The following NRBF2 variants were observed in gnomAD, a reference collection of about 807,000 sequenced individuals.
NRBF2 encodes nuclear receptor-binding factor 2.
NRBF2 carries 12 observed loss-of-function variants against 28.5 expected under a neutral mutation model. The observed-to-expected ratio is 0.42, with a 90% CI of 0.27 to 0.68. The LOEUF (loss-of-function observed/expected upper bound fraction) is 0.68. Among genes scored for constraint, NRBF2 ranks in the 30% least tolerant of loss-of-function variants. The pLI, the probability that NRBF2 is intolerant of heterozygous loss-of-function variation, is 0.24. For missense variants in NRBF2, 274 were observed against 333.5 expected, an observed-to-expected ratio of 0.82 and a Z score of 1.39; for synonymous variants, 102 against 116.5, an observed-to-expected ratio of 0.88 and a Z score of 0.80.
chr10:63,136,225 C>T lies in NRBF2; in HGVS notation c.30+2725C>T, dbSNP rs191941534. 3.3e-3 allele frequency among the ~76,000 whole-genome samples: 493 copies of T among 151,168 alleles called. 3 individuals carry two copies. The highest frequency in any genetic ancestry group is 0.012 in the African/African-American group (477 of 41,226). ...TGGGCTCACTGCAGCCTCCACCTCC[C>T]GGGTTCAAGCAGTTCTCTGCCTCAG... On this transcript the variant is annotated intron_variant, in intron 1 of 3. Transcript: ENST00000277746.
intron 1 of NRBF2, among the ~76,000 whole-genome samples, chr10:63,140,675 T>TAATC (rs1554821339): frequency 6.6e-6 from 1 of 151,684 alleles, no homozygotes; most frequent in Non-Finnish European, 1.5e-5. Context: ...GCTGGGATTA[T>TAATC]AGGCATGAAC....
At chr10:63,135,081 G>C (rs1402986551) in intron 1 of NRBF2, among the ~76,000 whole-genome samples, 1 of 152,220 alleles carries the variant, frequency 6.6e-6, no homozygotes, top group Non-Finnish European at 1.5e-5. Context: ...CAGCTACTCG[G>C]GAGGCTGAGG....
intron 1 of NRBF2, among the ~76,000 whole-genome samples, chr10:63,134,056 T>C (rs1841336960): frequency 6.9e-6 from 1 of 144,664 alleles, no homozygotes; most frequent in Non-Finnish European, 1.5e-5. Context: ...TTCACATGCA[T>C]AAACTGAGTC....
intron 2 of NRBF2, among the ~76,000 whole-genome samples, chr10:63,149,236 C>T (rs1277835401): frequency 1.3e-5 from 2 of 152,200 alleles, no homozygotes; most frequent in Non-Finnish European, 2.9e-5. Flanking sequence ...TCTGCCTCAG[C>T]CTCCCAAGTA....
At chr10:63,136,867 T>G (rs1243416825) in intron 1 of NRBF2, among the ~76,000 whole-genome samples, 1 of 152,216 alleles carries the variant, frequency 6.6e-6, no homozygotes, top group Non-Finnish European at 1.5e-5. Flanking sequence ...TGGAAGAGAC[T>G]AGTTTGAAAT....
Position 63,154,258 on chromosome 10 carries a change from C to T in NRBF2, c.*40C>T, listed in dbSNP as rs758684294. 187 of 1,050,102 alleles carry T rather than the reference C, an allele frequency of 1.8e-4. No homozygotes were observed. Among genetic ancestry groups the T allele is most frequent in the Non-Finnish European group, 2.6e-4 (183 of 710,534 alleles). 65.0% of individuals were successfully genotyped at this position (1,050,102 alleles called of 1,614,324 possible). Reference sequence around the variant, plus strand: ...GAAAAGGGGAAAAGAGGAAATAATACAGTAATCGTTAATCCAGCAAAAAGA... The same window carrying T: ...GAAAAGGGGAAAAGAGGAAATAATATAGTAATCGTTAATCCAGCAAAAAGA... On this transcript the variant is annotated 3_prime_UTR_variant, in exon 4 of 4. Coordinates refer to ENST00000277746, the MANE Select transcript of NRBF2 (RefSeq NM_030759.5).
chr10:63,138,399 G>A (rs767230512), intron 1 of NRBF2, among the ~76,000 whole-genome samples: 1 of 151,862 alleles, frequency 6.6e-6, no homozygotes, highest in Non-Finnish European at 1.5e-5. Flanking sequence ...CAGGAGAATC[G>A]CTTGAACCTG....
At chr10:63,149,975 T>C (rs1479010179) in intron 2 of NRBF2, among the ~76,000 whole-genome samples, 5 of 150,016 alleles carry the variant, frequency 3.3e-5, no homozygotes, top group Non-Finnish European at 5.9e-5. Context: ...GGAGTCTTGC[T>C]CTGTTACCCA....
intron 1 of NRBF2, among the ~76,000 whole-genome samples, chr10:63,136,137 T>C (rs915238638): frequency 2.0e-5 from 3 of 151,000 alleles, no homozygotes; most frequent in African/African-American, 4.9e-5. Flanking sequence ...TTTTTTTTTT[T>C]TTTTTTCTTT....
In NRBF2 at chr10:63,144,408, T is replaced by C. The variant is rs549074003; in HGVS notation, c.31-1801T>C. ...ATCCATGTTGTAGTATGTGTCAGAATTATCTTCCCTTTTTTTTTTTTTTTG... is the reference window on the plus strand; with the variant it reads ...ATCCATGTTGTAGTATGTGTCAGAACTATCTTCCCTTTTTTTTTTTTTTTG... On this transcript the variant is annotated intron_variant, in intron 1 of 3. Coordinates refer to ENST00000277746, the MANE Select transcript of NRBF2 (RefSeq NM_030759.5). 6.3e-5 allele frequency among the ~76,000 whole-genome samples: 9 copies of C among 143,712 alleles called. No homozygotes were observed. The South Asian group carries it at 2.0e-3, about 32-fold the overall frequency. 94.3% of individuals were successfully genotyped at this position (143,712 alleles called of 152,430 possible).
intron 1 of NRBF2, among the ~76,000 whole-genome samples, chr10:63,145,461 A>G (rs943937276): frequency 1.3e-5 from 2 of 152,268 alleles, no homozygotes; most frequent in Middle Eastern, 3.4e-3. Flanking sequence ...CGCCTGCCTC[A>G]GCCTCCCAAA....
At chr10:63,133,686 CTT>C (rs1841324663) in intron 1 of NRBF2, among the ~76,000 whole-genome samples, 186 bp downstream of exon 1, 1 of 152,170 alleles carries the variant, frequency 6.6e-6, no homozygotes, top group African/African-American at 2.4e-5. Context: ...CCACTTCAGA[CTT>C]TGCCCTCCTG....
chr10:63,144,109 AATT>A (rs1841521687), intron 1 of NRBF2, among the ~76,000 whole-genome samples: 1 of 152,064 alleles, frequency 6.6e-6, no homozygotes, highest in African/African-American at 2.4e-5. Context: ...TTACCTTCTT[AATT>A]ATTTTTAAGT....
intron 3 of NRBF2, 125 bp from the exon 4 acceptor site, chr10:63,153,386 C>A: frequency 1.4e-6 from 1 of 733,800 alleles, no homozygotes; most frequent in Non-Finnish European, 2.2e-6. Flanking sequence ...GGTATTTTTG[C>A]AAACATAGTA....
chr10:63,149,816 G>A (rs1161006881), intron 2 of NRBF2, among the ~76,000 whole-genome samples: 2 of 152,130 alleles, frequency 1.3e-5, no homozygotes, highest in African/African-American at 4.8e-5. Context: ...TTAAGAAAGT[G>A]GATTTAAAGC....
At chr10:63,143,932 A>T (rs1841517235) in intron 1 of NRBF2, among the ~76,000 whole-genome samples, 1 of 151,078 alleles carries the variant, frequency 6.6e-6, no homozygotes, top group South Asian at 2.1e-4. Flanking sequence ...TAATTTTTGT[A>T]TTTTTTGTAG....
intron 1 of NRBF2, among the ~76,000 whole-genome samples, chr10:63,138,446 T>C (rs1470007825): frequency 6.6e-6 from 1 of 150,424 alleles, no homozygotes; most frequent in African/African-American, 2.4e-5. Flanking sequence ...CTCACGCCAC[T>C]GCACTGCAGC....
chr10:63,138,151 C>T lies in NRBF2; in HGVS notation c.30+4651C>T, dbSNP rs1223079013. 2.0e-5 allele frequency among the ~76,000 whole-genome samples: 3 copies of T among 151,494 alleles called. No homozygotes were observed. The South Asian group carries it at 6.3e-4, about 32-fold the overall frequency. On this transcript the variant is annotated intron_variant, in intron 1 of 3. Coordinates refer to ENST00000277746, the MANE Select transcript of NRBF2 (RefSeq NM_030759.5). Reference sequence around the variant, plus strand: ...CCAACAAGATGAAACCCTGTCTGTACTAAAAACAAAAATTAGCCAGGTGTG... The same window carrying T: ...CCAACAAGATGAAACCCTGTCTGTATTAAAAACAAAAATTAGCCAGGTGTG...
intron 1 of NRBF2, among the ~76,000 whole-genome samples, chr10:63,145,198 C>G (rs1841540179): frequency 6.7e-6 from 1 of 149,398 alleles, no homozygotes; most frequent in South Asian, 2.1e-4. Flanking sequence ...ACCTCTGCCT[C>G]CCAGGTTCAA....
Sources: allele counts gnomAD v4.1 joint callset (sites outside exome capture counted in the v4.1 genomes callset), GRCh38; gene constraint gnomAD v4.1.1; transcripts MANE v1.5; gene names NCBI Gene and HGNC (gene_info 2026-07-23, HGNC 2026-07-21).